Variants in RREB1 observed in about 807,000 individuals in gnomAD.
RREB1 encodes the protein ras responsive element binding protein 1.
RREB1 carries 27 observed loss-of-function variants against 117.8 expected under a neutral mutation model. The observed-to-expected ratio is 0.23, with a 90% CI of 0.17 to 0.32. The LOEUF (loss-of-function observed/expected upper bound fraction) is 0.32, where lower values mean the gene tolerates loss of function less well. Among genes scored for constraint, RREB1 ranks in the 10% least tolerant of loss-of-function variants. RREB1 has a pLI of 1.00. For synonymous variants in RREB1, 1,298 were observed against 1,026.7 expected, an observed-to-expected ratio of 1.26 and a Z score of -5.05; for missense variants, 2,577 against 2,378.2, an observed-to-expected ratio of 1.08 and a Z score of -1.74.
At position 7,165,064 on chromosome 6, in the gene RREB1, G is replaced by A. The variant is rs556488014; in HGVS notation, c.-284-11591G>A. 5.9e-5 allele frequency among the ~76,000 whole-genome samples: 9 copies of A among 152,322 alleles called. No homozygotes were observed. In the East Asian group the frequency reaches 1.7e-3, roughly 29 times the overall value. Reference sequence around the variant, plus strand: ...AGCCCTGAAAGTAAGTTCTCTTCTCGGAAGCATTGGCCTCTCACACACAGA... The same window carrying A: ...AGCCCTGAAAGTAAGTTCTCTTCTCAGAAGCATTGGCCTCTCACACACAGA... On this transcript the variant is annotated intron_variant, in intron 1 of 12. Transcript: ENST00000379938.
At chr6:7,224,218 C>T (rs1251613227) in intron 8 of RREB1, among the ~76,000 whole-genome samples, 4 of 152,156 alleles carry the variant, frequency 2.6e-5, no homozygotes, top group Admixed American at 2.0e-4. Flanking sequence ...TGTTTTCTCT[C>T]TTCCCCAACC....
At chr6:7,126,058 G>A (rs969318436) in intron 1 of RREB1, among the ~76,000 whole-genome samples, 3 of 152,164 alleles carry the variant, frequency 2.0e-5, no homozygotes, top group Non-Finnish European at 4.4e-5. Flanking sequence ...CTGGAGTGCA[G>A]TGGCACGATC....
At chr6:7,208,910 G>C (rs932424658) in intron 6 of RREB1, among the ~76,000 whole-genome samples, 1 of 152,146 alleles carries the variant, frequency 6.6e-6, no homozygotes, top group Non-Finnish European at 1.5e-5. Context: ...TGGGTTTGGG[G>C]GAAGAGCATG....
chr6:7,139,304 T>C (rs556345499), intron 1 of RREB1: 1 of 152,318 alleles, frequency 6.6e-6, no homozygotes, highest in South Asian at 2.1e-4. Flanking sequence ...TGTTTGTAAG[T>C]TGAAATTTTA....
chr6:7,231,606 G>C lies in RREB1; in HGVS notation c.3507G>C (p.Gly1169=). ...MRSRPRANSG[G]VDLDSSGEFA... ...GCCGACCCCGCGCCAACAGCGGCGG[G>C]GTGGACCTGGACTCCAGCGGGGAGT... The change falls in exon 10 of 13, where the codon GGG becomes GGC. Residue 1169 remains glycine, a synonymous_variant. Coordinates refer to ENST00000379938, the MANE Select transcript of RREB1 (RefSeq NM_001003699.4). The C allele has an allele frequency of 2.5e-6, 4 of 1,612,074 alleles. No homozygotes were observed. Among genetic ancestry groups the C allele is most frequent in the Non-Finnish European group, 3.4e-6 (4 of 1,179,698 alleles).
chr6:7,177,241 A>AAAG (rs1764546159), intron 2 of RREB1, among the ~76,000 whole-genome samples: 1 of 150,858 alleles, frequency 6.6e-6, no homozygotes, highest in African/African-American at 2.4e-5. Context: ...AAAAAAAAAA[A>AAAG]AGGAGGAAAG....
rs747104968 is a variant in RREB1, at chr6:7,226,623, C to T, written c.864C>T (p.Asp288=). The change falls in exon 9 of 13, where the codon GAC becomes GAT. Residue 288 remains aspartate (D), a synonymous_variant. Transcript: ENST00000379938. ...GCTTCCACGACTTAGGATTCACGGA[C>T]TTCTCCTGTAGGAAGTTTCCTCGCA... ...PAGFHDLGFT[D]FSCRKFPRIS... 14 of 1,614,054 alleles carry T rather than the reference C, an allele frequency of 8.7e-6. No homozygotes were observed. Among genetic ancestry groups the T allele is most frequent in the Non-Finnish European group, 1.2e-5 (14 of 1,180,036 alleles).
chr6:7,140,329 C>G (rs1762511952), intron 1 of RREB1, among the ~76,000 whole-genome samples: 1 of 152,162 alleles, frequency 6.6e-6, no homozygotes, highest in Non-Finnish European at 1.5e-5. Flanking sequence ...TAATGCAACA[C>G]TTATCGTGGT....
intron 10 of RREB1, among the ~76,000 whole-genome samples, chr6:7,233,105 A>C (rs999562840): frequency 1.3e-5 from 2 of 152,220 alleles, no homozygotes; most frequent in Non-Finnish European, 2.9e-5. Context: ...CATGTTGGCC[A>C]GACTGGTCTC....
Position 7,249,213 on chromosome 6 carries a change from A to T in RREB1, c.*245A>T, listed in dbSNP as rs1769305181. The T allele has an allele frequency of 2.1e-6, 1 of 469,488 alleles. No homozygotes were observed. The highest frequency in any genetic ancestry group is 3.7e-6 in the Non-Finnish European group (1 of 267,246). 29.1% of individuals were successfully genotyped at this position (469,488 alleles called of 1,614,324 possible). The stretch of plus-strand genomic sequence containing the variant: ...CCTTAACTACTTACCGGATCCCTCC[A>T]TATTATCATGGGTGTTGTATTTTTC... On this transcript the variant is annotated 3_prime_UTR_variant, in exon 13 of 13. Coordinates refer to ENST00000379938, the MANE Select transcript of RREB1 (RefSeq NM_001003699.4).
chr6:7,210,286 C>T (rs1766511340), intron 6 of RREB1, among the ~76,000 whole-genome samples: 1 of 152,206 alleles, frequency 6.6e-6, no homozygotes, highest in African/African-American at 2.4e-5. Flanking sequence ...AGGTCTTAAG[C>T]ACTCTGGACA....
chr6:7,203,840 C>G (rs752553586), intron 6 of RREB1, among the ~76,000 whole-genome samples: 2 of 152,172 alleles, frequency 1.3e-5, no homozygotes, highest in Admixed American at 1.3e-4. Flanking sequence ...AGCATGTGGT[C>G]TTTATAGACA....
chr6:7,210,942 TA>T lies in RREB1; in HGVS notation c.569del (p.Lys190ArgfsTer3), dbSNP rs35860814. 6.2e-7 allele frequency: 1 copy of T among 1,613,342 alleles called. No individual in the cohort carries two copies. On this transcript the variant is annotated frameshift_variant, in exon 7 of 13. Transcript: ENST00000379938. LOFTEE classifies it high-confidence loss of function. ...CAGAGAGAGAAGACCCAGCACCAGC[TA>T]AAAAGGTCCTCTTGGCTCCCAGTGC... ...ESEREDPAPA[K>X]KMVEDGQSGD... is the part of the protein sequence containing the mutation.
intron 9 of RREB1, among the ~76,000 whole-genome samples, chr6:7,228,761 G>T (rs563560848): frequency 2.7e-4 from 41 of 151,998 alleles, no homozygotes; most frequent in African/African-American, 9.6e-4. Flanking sequence ...TCCCGCCTCA[G>T]TCTCTGGAGT....
chr6:7,115,398 A>G (rs1356006542), intron 1 of RREB1, among the ~76,000 whole-genome samples: 1 of 143,394 alleles, frequency 7.0e-6, no homozygotes, highest in Non-Finnish European at 1.5e-5. Flanking sequence ...TAAGGAAACC[A>G]TAGAGGGGAG....
intron 11 of RREB1, among the ~76,000 whole-genome samples, chr6:7,241,670 G>C (rs917936018): frequency 6.6e-6 from 1 of 152,140 alleles, no homozygotes; most frequent in African/African-American, 2.4e-5. Context: ...GGTTACAGGG[G>C]TACAGGGTGT....
At chr6:7,147,580 T>C (rs1018732031) in intron 1 of RREB1, among the ~76,000 whole-genome samples, 26 of 152,226 alleles carry the variant, frequency 1.7e-4, no homozygotes, top group South Asian at 2.1e-4. Flanking sequence ...TATATCTGAC[T>C]GTGTGACAGT....
At position 7,242,697 on chromosome 6, in the gene RREB1, A is replaced by AG. The variant is rs1304625062; in HGVS notation, c.3973+2095_3973+2096insG. Among the ~76,000 whole-genome samples the AG allele has an allele frequency of 4.6e-5, 4 of 87,196 alleles. No individual in the cohort carries two copies. The East Asian group carries it at 1.4e-3, about 30-fold the overall frequency. The allele number at this position is 87,196 out of a possible 152,430, so 57.2% of individuals were successfully genotyped here. A position where few individuals can be genotyped will look rare whatever the true frequency, so the allele number is the denominator to read the frequency against. ...GGCTTTGAAGGAAGACCACTTAAAA[A>AG]AAAGGGGGGGGGGGAAGGAAATGAC... On this transcript the variant is annotated intron_variant, in intron 11 of 12. Coordinates refer to ENST00000379938, the MANE Select transcript of RREB1 (RefSeq NM_001003699.4).
intron 5 of RREB1, among the ~76,000 whole-genome samples, chr6:7,188,225 A>ATGTG (rs1765190705): frequency 6.0e-5 from 3 of 49,942 alleles, no homozygotes; most frequent in East Asian, 6.7e-4. Context: ...TCCCCCCCAC[A>ATGTG]CGTGTGTGTG....
Sources: allele counts gnomAD v4.1 joint callset (sites outside exome capture counted in the v4.1 genomes callset), GRCh38; gene constraint gnomAD v4.1.1; transcripts MANE v1.5; gene names NCBI Gene and HGNC (gene_info 2026-07-23, HGNC 2026-07-21).